BIRC6: variants seen among roughly 807,000 people sequenced by gnomAD.
BIRC6 encodes dual E2 ubiquitin-conjugating enzyme/E3 ubiquitin-protein ligase BIRC6.
A neutral mutation model predicts 503.3 loss-of-function variants in BIRC6; 98 were observed. The ratio of observed to expected loss-of-function variants is 0.19; its 90% CI spans 0.17 to 0.23. BIRC6 has a LOEUF of 0.23. BIRC6 is among the 10% of genes least tolerant of loss of function. The pLI, the probability that BIRC6 is intolerant of heterozygous loss-of-function variation, is 1.00. For missense variants in BIRC6, 5,360 were observed against 5,806.0 expected, an observed-to-expected ratio of 0.92 and a Z score of 2.50; for synonymous variants, 2,240 against 2,078.7, an observed-to-expected ratio of 1.08 and a Z score of -2.11.
At position 32,518,821 on chromosome 2, in the gene BIRC6, A is replaced by G. The variant is rs2055339857; in HGVS notation, c.11498A>G (p.Tyr3833Cys). Reference protein sequence around the residue: ...TMFLQSPCPLYKGRINATSHV... With the variant: ...TMFLQSPCPLCKGRINATSHV... Reference sequence around the variant, plus strand: ...CTTTGATTTCTTGATTTTCAGCTGTACAAAGGTAGAATTAATGCTACTAGC... The same window carrying G: ...CTTTGATTTCTTGATTTTCAGCTGTGCAAAGGTAGAATTAATGCTACTAGC... The change falls in exon 57 of 74, where the codon TAC becomes TGC. Residue 3833 changes from tyrosine to cysteine, a missense_variant. This residue lies in a region of BIRC6 where 878 missense variants were observed against 928.9 expected (regional missense o/e 0.95). Coordinates refer to ENST00000421745, the MANE Select transcript of BIRC6 (RefSeq NM_016252.4). The G allele has an allele frequency of 6.2e-7, 1 of 1,612,940 alleles. No homozygotes were observed. Among genetic ancestry groups the G allele is most frequent in the Non-Finnish European group, 8.5e-7 (1 of 1,179,206 alleles).
intron 49 of BIRC6, 55 bp from the exon 50 acceptor site, chr2:32,504,950 C>CTTAATTGTATTTGTATAGAT: frequency 7.0e-7 from 1 of 1,436,252 alleles, no homozygotes; most frequent in East Asian, 2.5e-5. Context: ...GATTTTAAAG[C>CTTAATTGTATTTGTATAGAT]TTTATTATGT....
chr2:32,436,084 TA>T lies in BIRC6; in HGVS notation c.3534del (p.Glu1179LysfsTer23). ...GATTATGTCCATTTTTGGAGGATCA[TA>T]AAGAAGACATTCTATGTGGGCCAGT... ...LRLCPFLEDHKEDILCGPVWL... is the reference protein window; with the variant it reads ...LRLCPFLEDHXEDILCGPVWL... On this transcript the variant is annotated frameshift_variant, in exon 15 of 74. Coordinates refer to ENST00000421745, the MANE Select transcript of BIRC6 (RefSeq NM_016252.4). LOFTEE classifies it high-confidence loss of function. 6.9e-7 allele frequency: 1 copy of T among 1,459,688 alleles called. No individual in the cohort carries two copies. Among genetic ancestry groups the T allele is most frequent in the Non-Finnish European group, 9.2e-7 (1 of 1,089,318 alleles). 90.4% of individuals were successfully genotyped at this position (1,459,688 alleles called of 1,614,324 possible).
intron 61 of BIRC6, among the ~76,000 whole-genome samples, chr2:32,540,775 A>G (rs2057603831): frequency 6.6e-6 from 1 of 151,970 alleles, no homozygotes; most frequent in Non-Finnish European, 1.5e-5. Context: ...GTATAGCTCT[A>G]GCATACTTGC....
chr2:32,607,526 T>C lies in BIRC6; in HGVS notation c.14142T>C (p.Ser4714=). 1 of 1,613,868 alleles carries C rather than the reference T, an allele frequency of 6.2e-7. No individual in the cohort carries two copies. The highest frequency in any genetic ancestry group is 1.1e-5 in the South Asian group (1 of 91,076). ...PYFNEPGYER[S]RGTPSGTQSS... ...TTAATGAACCGGGATATGAACGGTC[T>C]AGAGGCACTCCCAGTGGCACACAGA... Residue 4714 remains serine, a synonymous_variant, in exon 72 of 74, where the codon TCT becomes TCC. Coordinates refer to ENST00000421745, the MANE Select transcript of BIRC6 (RefSeq NM_016252.4).
rs537571298 is a variant in BIRC6, at chr2:32,618,670, A to G, written c.*766A>G. On this transcript the variant is annotated 3_prime_UTR_variant, in exon 74 of 74. Coordinates refer to ENST00000421745, the MANE Select transcript of BIRC6 (RefSeq NM_016252.4). Reference sequence around the variant, plus strand: ...GAATGGTCAATTTGAAAGTCATTCTAAACTGATTTTTTTTTTCTAAAGGGC... The same window carrying G: ...GAATGGTCAATTTGAAAGTCATTCTGAACTGATTTTTTTTTTCTAAAGGGC... The G allele has an allele frequency of 5.9e-5, 9 of 152,692 alleles. No individual in the cohort carries two copies. The highest frequency in any genetic ancestry group is 2.2e-4 in the African/African-American group (9 of 41,568). 9.5% of individuals were successfully genotyped at this position (152,692 alleles called of 1,614,324 possible).
chr2:32,489,165 T>C (rs2051373590), intron 42 of BIRC6, among the ~76,000 whole-genome samples: 1 of 152,186 alleles, frequency 6.6e-6, no homozygotes, highest in African/African-American at 2.4e-5. Context: ...GGTAGTAAAA[T>C]AATACAACAG....
At chr2:32,407,951 TTTTC>T (rs879934929) in intron 9 of BIRC6, among the ~76,000 whole-genome samples, 7 of 151,938 alleles carry the variant, frequency 4.6e-5, no homozygotes, top group Non-Finnish European at 1.0e-4. Context: ...TACTACTACA[TTTTC>T]TTTCTTTGTT....
chr2:32,404,844 T>G (rs1306183668), intron 8 of BIRC6, among the ~76,000 whole-genome samples: 1 of 151,878 alleles, frequency 6.6e-6, no homozygotes, highest in Non-Finnish European at 1.5e-5. Context: ...TATTTTTTTG[T>G]GGAGATGGGG....
rs1459628743 is a variant in BIRC6, at chr2:32,501,962, A to G, written c.9207+74A>G. ...GATGTAAGTGGAAAATTACAGGACA[A>G]AGATAAATAAGTATATTTATTATAT... is the stretch of plus-strand genomic sequence containing the variant. On this transcript the variant is annotated intron_variant, in intron 47 of 73. Transcript: ENST00000421745. 138 of 1,321,984 alleles carry G rather than the reference A, an allele frequency of 1.0e-4. 2 individuals are homozygous for G. In the East Asian group the frequency reaches 3.2e-3, roughly 30 times the overall value. The allele number at this position is 1,321,984 out of a possible 1,614,324, so 81.9% of individuals were successfully genotyped here.
chr2:32,477,626 C>T, intron 35 of BIRC6, 43 bp downstream of exon 35: 22 of 1,507,284 alleles, frequency 1.5e-5, no homozygotes, highest in East Asian at 2.3e-5. Flanking sequence ...TGGCCGGGCG[C>T]AGTGGCTCAT....
At chr2:32,525,041 A>G (rs780048055) in intron 58 of BIRC6, 22 bp downstream of exon 58, 3 of 1,470,754 alleles carry the variant, frequency 2.0e-6, no homozygotes, top group Non-Finnish European at 2.7e-6. Context: ...ATTTTTTATA[A>G]TCTTGATTTT....
intron 22 of BIRC6, among the ~76,000 whole-genome samples, chr2:32,451,854 A>G (rs1038379871): frequency 1.2e-4 from 18 of 152,186 alleles, no homozygotes; most frequent in African/African-American, 4.1e-4. Flanking sequence ...ATGGAGTCTG[A>G]TATTAGAGAG....
chr2:32,435,447 C>G (rs1007583476), intron 13 of BIRC6, 49 bp from the exon 14 acceptor site: 4 of 1,479,036 alleles, frequency 2.7e-6, no homozygotes, highest in African/African-American at 2.9e-5. Context: ...ATATTTTTAT[C>G]CTCTAGAAAC....
intron 49 of BIRC6, among the ~76,000 whole-genome samples, chr2:32,504,434 G>T (rs1358405269): frequency 6.6e-6 from 1 of 151,860 alleles, no homozygotes; most frequent in African/African-American, 2.4e-5. Context: ...TTGGGTGGCC[G>T]AGGCGGGTGG....
intron 64 of BIRC6, among the ~76,000 whole-genome samples, chr2:32,548,423 C>T (rs1294318243): frequency 3.8e-5 from 5 of 131,054 alleles, no homozygotes; most frequent in Non-Finnish European, 7.7e-5. Flanking sequence ...GGCTGGAGTG[C>T]AGTGGCGTGA....
At chr2:32,548,469 C>A (rs970010399) in intron 64 of BIRC6, among the ~76,000 whole-genome samples, 1 of 149,198 alleles carries the variant, frequency 6.7e-6, no homozygotes. Context: ...CCCAGGTTCA[C>A]GGTTGCTTAC....
intron 65 of BIRC6, among the ~76,000 whole-genome samples, chr2:32,551,719 A>T (rs970764517): frequency 6.6e-6 from 1 of 152,202 alleles, no homozygotes; most frequent in Non-Finnish European, 1.5e-5. Context: ...ATTTTTGGCA[A>T]TGTGGGAGTT....
chr2:32,437,762 G>C (rs2044889690), intron 15 of BIRC6, among the ~76,000 whole-genome samples: 1 of 152,030 alleles, frequency 6.6e-6, no homozygotes, highest in South Asian at 2.1e-4. Flanking sequence ...TTCAGATTAG[G>C]GATACTCAGC....
chr2:32,467,990 T>G lies in BIRC6; in HGVS notation c.5659T>G (p.Trp1887Gly), dbSNP rs1165694486. 6.2e-7 allele frequency: 1 copy of G among 1,613,730 alleles called. No individual in the cohort carries two copies. The highest frequency in any genetic ancestry group is 1.3e-5 in the African/African-American group (1 of 75,016). ...FYYGHTYILP[W>G]ESELKLMHDP... ...CTATGGTCATACCTACATCTTGCCTTGGGAAAGTGAACTGAAGTTAATGCA... is the reference window on the plus strand; with the variant it reads ...CTATGGTCATACCTACATCTTGCCTGGGGAAAGTGAACTGAAGTTAATGCA... The change falls in exon 28 of 74, where the codon TGG (tryptophan) becomes GGG (glycine). Residue 1887 changes from tryptophan (W) to glycine (G), a missense_variant. Coordinates refer to ENST00000421745, the MANE Select transcript of BIRC6 (RefSeq NM_016252.4).
Sources: gnomAD v4.1 joint callset for allele counts (sites outside exome capture counted in the v4.1 genomes callset) on GRCh38, gnomAD v4.1.1 for gene constraint, gnomAD v4.1.1 regional missense constraint, MANE v1.5 for transcripts, NCBI Gene and HGNC (gene_info 2026-07-23, HGNC 2026-07-21) for gene names.